The following GLCCI1 variants were observed in gnomAD, a reference collection of about 807,000 sequenced individuals.
The protein encoded by GLCCI1 is glucocorticoid induced 1, also known as glucocorticoid-induced transcript 1 protein.
GLCCI1 carries 24 observed loss-of-function variants against 52.2 expected under a neutral mutation model. That is an observed-to-expected ratio of 0.46 (90% CI 0.33 to 0.65). GLCCI1 has a LOEUF of 0.65. Among genes scored for constraint, GLCCI1 ranks in the 30% least tolerant of loss-of-function variants. The pLI is 0.02. For synonymous variants in GLCCI1, 310 were observed against 276.5 expected (o/e 1.12, Z -1.20); for missense variants, 704 against 701.5 (o/e 1.00, Z -0.04).
At chr7:8,083,194 T>G (rs770364244) in intron 6 of GLCCI1, among the ~76,000 whole-genome samples, 1 of 152,212 alleles carries the variant, frequency 6.6e-6, no homozygotes, top group Non-Finnish European at 1.5e-5. Flanking sequence ...TTGATACACG[T>G]ATGTAGTGTG....
chr7:8,045,726 T>G (rs1782108002), intron 3 of GLCCI1, among the ~76,000 whole-genome samples: 1 of 152,158 alleles, frequency 6.6e-6, no homozygotes, highest in African/African-American at 2.4e-5. Context: ...AGAGCTCTAC[T>G]TATGAGGGAC....
At chr7:7,990,041 A>G (rs1288621316) in intron 1 of GLCCI1, among the ~76,000 whole-genome samples, 1 of 151,638 alleles carries the variant, frequency 6.6e-6, no homozygotes, top group Non-Finnish European at 1.5e-5. Flanking sequence ...AAGTGAAGGG[A>G]GAGAGAAAGG....
chr7:8,037,031 G>A (rs868122764), intron 3 of GLCCI1, among the ~76,000 whole-genome samples: 1 of 152,160 alleles, frequency 6.6e-6, no homozygotes, highest in Non-Finnish European at 1.5e-5. Flanking sequence ...TTTAGATGTT[G>A]AAATAGAAGA....
Position 8,085,021 on chromosome 7 carries a change from A to T in GLCCI1, c.1298+4A>T. 1 of 1,613,714 alleles carries T rather than the reference A, an allele frequency of 6.2e-7. No homozygotes were observed. The highest frequency in any genetic ancestry group is 8.5e-7 in the Non-Finnish European group (1 of 1,179,872). On this transcript the variant is annotated splice_donor_region_variant and intron_variant, in intron 7 of 7. Coordinates refer to ENST00000223145, the MANE Select transcript of GLCCI1 (RefSeq NM_138426.4). The stretch of plus-strand genomic sequence containing the variant: ...TGAAGGTCTTTGAGGAAATGGCGTA[A>T]GTAATGTCTTTTTTGTCAGCTGGGA...
At chr7:7,971,570 GCAA>G (rs1418748582) in intron 1 of GLCCI1, among the ~76,000 whole-genome samples, 4 of 152,126 alleles carry the variant, frequency 2.6e-5, no homozygotes, top group Non-Finnish European at 5.9e-5. Flanking sequence ...GGCAATTGCT[GCAA>G]CAACATAATG....
chr7:8,001,073 CT>C (rs1474209094), intron 1 of GLCCI1, among the ~76,000 whole-genome samples: 1 of 152,138 alleles, frequency 6.6e-6, no homozygotes, highest in South Asian at 2.1e-4. Flanking sequence ...GAATTTGATC[CT>C]GACATTATGA....
chr7:8,080,033 C>T (rs747855948), intron 6 of GLCCI1, among the ~76,000 whole-genome samples: 6 of 151,346 alleles, frequency 4.0e-5, no homozygotes, highest in Non-Finnish European at 7.4e-5. Flanking sequence ...AAATGTTCTC[C>T]TTACTTCTAA....
chr7:7,973,413 C>CGT (rs57135358), intron 1 of GLCCI1, among the ~76,000 whole-genome samples: 15,177 of 147,626 alleles, frequency 0.1, 1,094 homozygotes, highest in African/African-American at 0.21. Flanking sequence ...TCTTTGTGTG[C>CGT]GTGTGTGTGT....
intron 3 of GLCCI1, chr7:8,024,650 T>TA (rs1781572935): frequency 6.6e-6 from 1 of 152,198 alleles, no homozygotes; most frequent in Admixed American, 6.5e-5. Context: ...ATTTCAGTAA[T>TA]ATATGACATA....
chr7:8,028,627 A>G (rs1354244806), intron 3 of GLCCI1, among the ~76,000 whole-genome samples: 2 of 152,118 alleles, frequency 1.3e-5, no homozygotes, highest in African/African-American at 4.8e-5. Context: ...CTGAAATAAA[A>G]TGGATTTGAA....
chr7:7,980,761 A>G, intron 1 of GLCCI1: 1 of 693,410 alleles, frequency 1.4e-6, no homozygotes, highest in South Asian at 1.6e-5. Context: ...TGATGGTACC[A>G]TACAGTATTT....
chr7:8,038,676 A>G (rs1053392256), intron 3 of GLCCI1, among the ~76,000 whole-genome samples: 1 of 152,188 alleles, frequency 6.6e-6, no homozygotes, highest in East Asian at 1.9e-4. Context: ...GGACAAACCT[A>G]GAAAACCTAG....
chr7:7,989,477 G>GT (rs1385194661), intron 1 of GLCCI1, among the ~76,000 whole-genome samples: 1 of 151,998 alleles, frequency 6.6e-6, no homozygotes. Flanking sequence ...AATTCAAGTT[G>GT]TTTTTTTCAC....
intron 1 of GLCCI1, among the ~76,000 whole-genome samples, chr7:7,977,154 C>G (rs910793110): frequency 1.3e-5 from 2 of 152,112 alleles, no homozygotes; most frequent in East Asian, 3.9e-4. Context: ...TCTGATGAAA[C>G]ATTTTCTAAC....
intron 6 of GLCCI1, among the ~76,000 whole-genome samples, chr7:8,078,424 GATTT>G (rs1489186819): frequency 6.6e-6 from 1 of 151,970 alleles, no homozygotes; most frequent in Non-Finnish European, 1.5e-5. Context: ...TTTCAAACTT[GATTT>G]ATTCCACACC....
At position 7,973,924 on chromosome 7, in the gene GLCCI1, AAG is replaced by A. The variant is rs564766897; in HGVS notation, c.457+4121_457+4122del. On this transcript the variant is annotated intron_variant, in intron 1 of 7. Coordinates refer to ENST00000223145, the MANE Select transcript of GLCCI1 (RefSeq NM_138426.4). ...ATTTTAATAACTTTTTCTCTTTTAA[AAG>A]AGATACTCAGATATTCTCTTTCTAT... is the stretch of plus-strand genomic sequence containing the variant. 3.2e-3 allele frequency among the ~76,000 whole-genome samples: 490 copies of A among 152,214 alleles called. 4 individuals carry two copies. Among genetic ancestry groups the A allele is most frequent in the African/African-American group, 0.011 (467 of 41,570 alleles).
intron 3 of GLCCI1, among the ~76,000 whole-genome samples, chr7:8,043,853 G>A (rs1362887361): frequency 6.6e-6 from 1 of 152,020 alleles, no homozygotes; most frequent in Middle Eastern, 3.4e-3. Context: ...GGTGAAGACC[G>A]AACATGAAAA....
At position 8,086,368 on chromosome 7, in the gene GLCCI1, C is replaced by G. The variant is rs761454571; in HGVS notation, c.1474C>G (p.Leu492Val). 1 of 1,614,054 alleles carries G rather than the reference C, an allele frequency of 6.2e-7. No homozygotes were observed. Among genetic ancestry groups the G allele is most frequent in the Non-Finnish European group, 8.5e-7 (1 of 1,180,044 alleles). ...NSGQSSALAT[L>V]TVEQLSSRVS... is the part of the protein sequence containing the mutation. ...TGGCCAGAGCTCAGCTTTGGCAACT[C>G]TGACCGTTGAGCAGCTCTCATCCCG... The change falls in exon 8 of 8, where the codon CTG becomes GTG. Residue 492 changes from leucine to valine, a missense_variant. By Grantham distance (32) the Leu-to-Val change is conservative. This residue lies in a region of GLCCI1 where 149 missense variants were observed against 152.9 expected (regional missense o/e 0.97). Coordinates refer to ENST00000223145, the MANE Select transcript of GLCCI1 (RefSeq NM_138426.4). This position sits in a 1 kb window ranked among gnomAD's most constrained non-coding sequence, Gnocchi z 4.4.
At chr7:8,015,455 C>G (rs1781359025) in intron 2 of GLCCI1, among the ~76,000 whole-genome samples, 1 of 152,170 alleles carries the variant, frequency 6.6e-6, no homozygotes. Flanking sequence ...GGAAGCAAGA[C>G]TGAAGATTTG....
Sources: allele counts gnomAD v4.1 joint callset (sites outside exome capture counted in the v4.1 genomes callset), GRCh38; gene constraint gnomAD v4.1.1; regional missense constraint gnomAD v4.1.1; non-coding constraint Gnocchi (gnomAD v3.1); transcripts MANE v1.5; gene names NCBI Gene and HGNC (gene_info 2026-07-23, HGNC 2026-07-21).